CRIM1: variants seen among roughly 807,000 people sequenced by gnomAD.
CRIM1 encodes the protein cysteine-rich motor neuron 1 protein.
A neutral mutation model predicts 116.4 loss-of-function variants in CRIM1; 32 were observed. The observed-to-expected ratio is 0.27, with a 90% confidence interval of 0.21 to 0.37. The LOEUF is 0.37. Among genes scored for constraint, CRIM1 ranks in the 10% least tolerant of loss-of-function variants. The pLI is 1.00. For synonymous variants in CRIM1, 590 were observed against 509.2 expected, an observed-to-expected ratio of 1.16 and a Z score of -2.13; for missense variants, 1,331 against 1,354.8, an observed-to-expected ratio of 0.98 and a Z score of 0.28.
intron 8 of CRIM1, among the ~76,000 whole-genome samples, chr2:36,500,369 G>T (rs1167711801): frequency 6.6e-6 from 1 of 152,152 alleles, no homozygotes; most frequent in Non-Finnish European, 1.5e-5. Context: ...GCTGAATACA[G>T]TGCTACTGTG....
chr2:36,434,422 C>T (rs181275253), intron 2 of CRIM1, among the ~76,000 whole-genome samples: 188 of 152,346 alleles, frequency 1.2e-3, no homozygotes, highest in African/African-American at 4.3e-3. Context: ...TGAAGCTCTT[C>T]TTGCTTTTGG....
intron 2 of CRIM1, among the ~76,000 whole-genome samples, chr2:36,426,876 C>A (rs781682145): frequency 2.0e-5 from 3 of 152,106 alleles, no homozygotes; most frequent in Non-Finnish European, 2.9e-5. Flanking sequence ...AAATGACTTT[C>A]CTGAAAATGA....
At chr2:36,469,812 C>A (rs181996214) in intron 5 of CRIM1, among the ~76,000 whole-genome samples, 1 of 152,150 alleles carries the variant, frequency 6.6e-6, no homozygotes, top group African/African-American at 2.4e-5. Flanking sequence ...GAGCACCCCT[C>A]GTGTTCCTGG....
At chr2:36,362,315 G>C (rs1015915651) in intron 1 of CRIM1, among the ~76,000 whole-genome samples, 2 of 152,156 alleles carry the variant, frequency 1.3e-5, no homozygotes, top group Non-Finnish European at 2.9e-5. Context: ...AAAGCAGAAA[G>C]GGGAATTTGA....
intron 1 of CRIM1, among the ~76,000 whole-genome samples, chr2:36,367,872 AT>A (rs1451241585): frequency 6.6e-6 from 1 of 152,144 alleles, no homozygotes; most frequent in African/African-American, 2.4e-5. Flanking sequence ...AACCTCTCTT[AT>A]GTGTTTGCTG....
At chr2:36,431,696 C>A (rs1196059374) in intron 2 of CRIM1, among the ~76,000 whole-genome samples, 1 of 152,142 alleles carries the variant, frequency 6.6e-6, no homozygotes, top group Non-Finnish European at 1.5e-5. Flanking sequence ...GTTTGTCGGT[C>A]TTCCTTGAAT....
intron 1 of CRIM1, among the ~76,000 whole-genome samples, chr2:36,375,085 A>G (rs1670224779): frequency 6.6e-6 from 1 of 152,052 alleles, no homozygotes. Flanking sequence ...TGGGTACTAG[A>G]TATTAACTTC....
intron 11 of CRIM1, among the ~76,000 whole-genome samples, chr2:36,514,337 A>G (rs1161710147): frequency 6.6e-6 from 1 of 152,240 alleles, no homozygotes; most frequent in Non-Finnish European, 1.5e-5. Flanking sequence ...AAACCAGAAC[A>G]GATTTGTAAT....
rs779690812 is a variant in CRIM1, at chr2:36,522,129, C to T, written c.2244C>T (p.Ser748=). 7 of 1,614,152 alleles carry T rather than the reference C, an allele frequency of 4.3e-6. No individual in the cohort carries two copies. The highest frequency in any genetic ancestry group is 1.6e-4 in the Middle Eastern group (1 of 6,062). ...PFRPSLSRNN[S]VPNYCKNDEG... ...GGCCTTCCTTGTCCCGCAATAACAGCGTACCTAATTACTGCAAAAATGATG... is the reference window on the plus strand; with the variant it reads ...GGCCTTCCTTGTCCCGCAATAACAGTGTACCTAATTACTGCAAAAATGATG... The change falls in exon 13 of 17, where the codon AGC becomes AGT. Residue 748 remains serine (S), a synonymous_variant. Coordinates refer to ENST00000280527, the MANE Select transcript of CRIM1 (RefSeq NM_016441.3).
intron 4 of CRIM1, among the ~76,000 whole-genome samples, chr2:36,453,781 A>G (rs1020248776): frequency 6.6e-6 from 1 of 152,228 alleles, no homozygotes; most frequent in Admixed American, 6.5e-5. Flanking sequence ...AAAGTTAGCA[A>G]AGCAAACACA....
At chr2:36,424,952 A>G (rs1051218997) in intron 2 of CRIM1, among the ~76,000 whole-genome samples, 1 of 152,202 alleles carries the variant, frequency 6.6e-6, no homozygotes, top group Non-Finnish European at 1.5e-5. Context: ...CTTGGAGTGC[A>G]GAGAACCTTA....
chr2:36,393,327 T>C (rs1182562893), intron 1 of CRIM1, among the ~76,000 whole-genome samples: 2 of 152,158 alleles, frequency 1.3e-5, no homozygotes, highest in East Asian at 1.9e-4. Context: ...TGTTTAAACA[T>C]GTTCTTTATA....
chr2:36,442,530 T>C, intron 3 of CRIM1, 85 bp from the exon 4 acceptor site: 1 of 1,538,870 alleles, frequency 6.5e-7, no homozygotes, highest in Non-Finnish European at 9.0e-7. Context: ...CTTTGGACAT[T>C]TGTCAAGAGC....
At chr2:36,522,959 T>C (rs1665510256) in intron 13 of CRIM1, among the ~76,000 whole-genome samples, 1 of 151,872 alleles carries the variant, frequency 6.6e-6, no homozygotes, top group Non-Finnish European at 1.5e-5. Context: ...ACAGTGGTTT[T>C]TTTTTTCTTT....
At chr2:36,429,337 A>G (rs530719222) in intron 2 of CRIM1, among the ~76,000 whole-genome samples, 1 of 152,308 alleles carries the variant, frequency 6.6e-6, no homozygotes, top group Admixed American at 6.5e-5. Context: ...CGCAGAACAC[A>G]GTGTTCACTT....
At chr2:36,449,297 G>A (rs562079482) in intron 4 of CRIM1, among the ~76,000 whole-genome samples, 2 of 152,086 alleles carry the variant, frequency 1.3e-5, no homozygotes, top group Non-Finnish European at 2.9e-5. Context: ...GCACATCAGC[G>A]GAACAGGTCT....
At chr2:36,530,743 C>G (rs923282661) in intron 13 of CRIM1, among the ~76,000 whole-genome samples, 2 of 152,198 alleles carry the variant, frequency 1.3e-5, no homozygotes, top group Admixed American at 1.3e-4. Context: ...TGTATGCCTG[C>G]CTAAATGACT....
At chr2:36,454,455 G>A (rs55892454) in intron 4 of CRIM1, among the ~76,000 whole-genome samples, 123 of 152,180 alleles carry the variant, frequency 8.1e-4, no homozygotes, top group Non-Finnish European at 1.5e-3. Flanking sequence ...AGAAGTGATC[G>A]TCAGGAATGA....
intron 1 of CRIM1, among the ~76,000 whole-genome samples, chr2:36,374,663 T>A (rs76146825): frequency 2.0e-5 from 3 of 152,126 alleles, no homozygotes; most frequent in East Asian, 3.8e-4. Flanking sequence ...CCATACTACT[T>A]AAAAAGCAAG....
Sources: gnomAD v4.1 joint callset for allele counts (sites outside exome capture counted in the v4.1 genomes callset) on GRCh38, gnomAD v4.1.1 for gene constraint, MANE v1.5 for transcripts, NCBI Gene and HGNC (gene_info 2026-07-23, HGNC 2026-07-21) for gene names.